The following RCOR3 variants were observed in gnomAD, a reference collection of about 807,000 sequenced individuals.
RCOR3 encodes REST corepressor 3.
RCOR3 carries 13 observed loss-of-function variants against 64.1 expected under a neutral mutation model. The ratio of observed to expected loss-of-function variants is 0.20; its 90% CI spans 0.13 to 0.32. RCOR3 has a LOEUF of 0.32. RCOR3 is among the 10% of genes least tolerant of loss of function. The pLI is 1.00. For missense variants in RCOR3, 489 were observed against 701.2 expected, an observed-to-expected ratio of 0.70 and a Z score of 3.42; for synonymous variants, 215 against 239.0, an observed-to-expected ratio of 0.90 and a Z score of 0.93.
At position 211,312,120 on chromosome 1, in the gene RCOR3, C is replaced by T; in HGVS notation, c.1076-600C>T. On this transcript the variant is annotated intron_variant, in intron 10 of 11. Coordinates refer to ENST00000419091, the MANE Select transcript of RCOR3 (RefSeq NM_001136223.3). This position sits in a 1 kb window ranked among gnomAD's most constrained non-coding sequence, Gnocchi z 5.0. ...AAAAATCTTCTCTTTTTTCAAAATC[C>T]ACCAACTTGTGATGATTCTCCTGCT... 5.0e-6 allele frequency: 1 copy of T among 199,718 alleles called. No individual in the cohort carries two copies. Among genetic ancestry groups the T allele is most frequent in the Non-Finnish European group, 1.1e-5 (1 of 92,472 alleles). 12.4% of individuals were successfully genotyped at this position (199,718 alleles called of 1,614,324 possible).
At chr1:211,269,619 G>A (rs1306983429) in intron 2 of RCOR3, among the ~76,000 whole-genome samples, 3 of 152,056 alleles carry the variant, frequency 2.0e-5, no homozygotes, top group African/African-American at 7.2e-5. Context: ...TGGCAGCAAT[G>A]CTTCATTTGT....
chr1:211,294,618 C>T (rs61474542), intron 8 of RCOR3, among the ~76,000 whole-genome samples: 4,402 of 114,662 alleles, frequency 0.038, 252 homozygotes, highest in African/African-American at 0.14. Context: ...GAGACGGAGT[C>T]TCGCTGTGTC....
rs1028358011 is a variant in RCOR3, at chr1:211,259,554, T to G, written c.-7T>G. The G allele has an allele frequency of 2.6e-6, 4 of 1,545,128 alleles. No individual in the cohort carries two copies. The South Asian group carries it at 4.8e-5, about 18-fold the overall frequency. ...TCCCCTCACCTTTCCCCCTCCCCTG[T>G]TCTACCATGCCCGGCATGATGGAGA... On this transcript the variant is annotated 5_prime_UTR_variant, in exon 1 of 12. Coordinates refer to ENST00000419091, the MANE Select transcript of RCOR3 (RefSeq NM_001136223.3).
At chr1:211,276,234 A>G (rs753047566) in intron 4 of RCOR3, 23 bp from the exon 5 acceptor site, 21 of 1,606,394 alleles carry the variant, frequency 1.3e-5, no homozygotes, top group Middle Eastern at 3.3e-4. Context: ...TTAAAACCAA[A>G]GGGGAATGAT....
At chr1:211,288,530 A>G (rs995318625) in intron 7 of RCOR3, among the ~76,000 whole-genome samples, 1 of 146,928 alleles carries the variant, frequency 6.8e-6, no homozygotes, top group African/African-American at 2.5e-5. Flanking sequence ...TAATAAATTT[A>G]TAAATTATAA....
chr1:211,285,108 C>T (rs1393058285), intron 7 of RCOR3, among the ~76,000 whole-genome samples: 2 of 152,034 alleles, frequency 1.3e-5, no homozygotes, highest in Non-Finnish European at 2.9e-5. Flanking sequence ...CTTTTGATTT[C>T]CTATATAGTG....
chr1:211,308,696 T>G lies in RCOR3; in HGVS notation c.1076-4024T>G, dbSNP rs1316455867. Among the ~76,000 whole-genome samples, 277 of 45,942 alleles carry G rather than the reference T, an allele frequency of 6.0e-3. 6 individuals are homozygous for G. Among genetic ancestry groups the G allele is most frequent in the African/African-American group, 0.016 (267 of 16,572 alleles). The allele number at this position is 45,942 out of a possible 152,430, so 30.1% of individuals were successfully genotyped here. A position where few individuals can be genotyped will look rare whatever the true frequency, so the allele number is the denominator to read the frequency against. On this transcript the variant is annotated intron_variant, in intron 10 of 11. Transcript: ENST00000419091. ...TTGTTTTTTTTTTGTTTTTTTTTTTTTTTGTGTAGTCCAAAATCAATTTTT... is the reference window on the plus strand; with the variant it reads ...TTGTTTTTTTTTTGTTTTTTTTTTTGTTTGTGTAGTCCAAAATCAATTTTT...
chr1:211,288,627 G>A (rs1290826410), intron 7 of RCOR3, among the ~76,000 whole-genome samples: 2 of 146,666 alleles, frequency 1.4e-5, no homozygotes, highest in Admixed American at 6.9e-5. Context: ...CATAGATTTG[G>A]AAGTTAGAAA....
chr1:211,270,853 C>G (rs1380643418), intron 2 of RCOR3, among the ~76,000 whole-genome samples: 9 of 150,692 alleles, frequency 6.0e-5, no homozygotes, highest in Admixed American at 6.0e-4. Flanking sequence ...AGAAATAAAG[C>G]TTACTTTTTT....
At chr1:211,269,380 G>A (rs919481459) in intron 2 of RCOR3, among the ~76,000 whole-genome samples, 2 of 151,864 alleles carry the variant, frequency 1.3e-5, no homozygotes, top group African/African-American at 2.4e-5. Context: ...GGCGGATCAC[G>A]AGGTCAGGAG....
intron 3 of RCOR3, among the ~76,000 whole-genome samples, chr1:211,273,522 A>G (rs1007126774): frequency 2.6e-4 from 39 of 152,250 alleles, no homozygotes; most frequent in African/African-American, 8.9e-4. Flanking sequence ...TGGAGTTCAC[A>G]TAAAACTGAG....
chr1:211,306,087 TTTG>T (rs923382198), intron 10 of RCOR3, among the ~76,000 whole-genome samples: 17 of 152,272 alleles, frequency 1.1e-4, no homozygotes, highest in African/African-American at 3.4e-4. Flanking sequence ...TTTTTGGGTT[TTTG>T]TTGTTGTTAC....
chr1:211,310,291 C>T (rs551551216), intron 10 of RCOR3, among the ~76,000 whole-genome samples: 2 of 152,296 alleles, frequency 1.3e-5, no homozygotes, highest in South Asian at 4.1e-4. Context: ...ATTCCAGACC[C>T]TGTCCAGCCA....
intron 2 of RCOR3, among the ~76,000 whole-genome samples, chr1:211,267,548 G>A (rs1345111278): frequency 6.6e-6 from 1 of 152,168 alleles, no homozygotes; most frequent in Admixed American, 6.5e-5. Context: ...ACCAGTTTCT[G>A]TCAGATGGGG....
chr1:211,261,322 A>G (rs1416070675), intron 2 of RCOR3: 1 of 152,216 alleles, frequency 6.6e-6, no homozygotes, highest in Non-Finnish European at 1.5e-5. Context: ...TTCAGATAGC[A>G]GCTCTTCCTC....
At chr1:211,272,455 C>G (rs755502454) in intron 3 of RCOR3, among the ~76,000 whole-genome samples, 13 of 151,824 alleles carry the variant, frequency 8.6e-5, no homozygotes, top group Non-Finnish European at 1.3e-4. Flanking sequence ...GTGTAGTGTT[C>G]ATGCGGAATA....
At chr1:211,286,714 A>G (rs1698599936) in intron 7 of RCOR3, among the ~76,000 whole-genome samples, 1 of 152,206 alleles carries the variant, frequency 6.6e-6, no homozygotes, top group Admixed American at 6.5e-5. Context: ...GATTAATAGA[A>G]GGCCCTTAGA....
intron 9 of RCOR3, among the ~76,000 whole-genome samples, chr1:211,296,542 G>T (rs1459288075): frequency 3.9e-5 from 6 of 152,106 alleles, no homozygotes; most frequent in Non-Finnish European, 7.4e-5. Context: ...ATCTACAGAT[G>T]AAATTTATGT....
In RCOR3 at chr1:211,259,569, C is replaced by G. The variant is rs1264791179; in HGVS notation, c.9C>G (p.Gly3=). The change falls in exon 1 of 12, where the codon GGC becomes GGG. Residue 3 remains glycine (G), a synonymous_variant. Transcript: ENST00000419091. ...CCCTCCCCTGTTCTACCATGCCCGGCATGATGGAGAAAGGGCCCGAGTTAC... is the reference window on the plus strand; with the variant it reads ...CCCTCCCCTGTTCTACCATGCCCGGGATGATGGAGAAAGGGCCCGAGTTAC... MP[G]MMEKGPELLG... The G allele has an allele frequency of 1.3e-6, 2 of 1,547,778 alleles. No homozygotes were observed. Among genetic ancestry groups the G allele is most frequent in the African/African-American group, 1.4e-5 (1 of 72,386 alleles).
Sources: gnomAD v4.1 joint callset for allele counts (sites outside exome capture counted in the v4.1 genomes callset) on GRCh38, gnomAD v4.1.1 for gene constraint, Gnocchi (gnomAD v3.1) non-coding constraint, MANE v1.5 for transcripts, NCBI Gene and HGNC (gene_info 2026-07-23, HGNC 2026-07-21) for gene names.